Variants in CHRM5 observed in about 807,000 individuals in gnomAD.
CHRM5 encodes the protein muscarinic acetylcholine receptor M5.
CHRM5 carries 18 observed loss-of-function variants against 39.0 expected under a neutral mutation model. The observed-to-expected ratio is 0.46, with a 90% CI of 0.32 to 0.68. CHRM5 has a LOEUF of 0.68. Ranked by LOEUF, CHRM5 falls within the 30% of genes least tolerant of loss-of-function variation. CHRM5 has a pLI of 0.04. For missense variants in CHRM5, 515 were observed against 651.1 expected (o/e 0.79, Z 2.28); for synonymous variants, 241 against 246.3 (o/e 0.98, Z 0.20).
At chr15:34,051,424 A>G (rs914106321) in intron 2 of CHRM5, among the ~76,000 whole-genome samples, 15 of 152,172 alleles carry the variant, frequency 9.9e-5, no homozygotes, top group African/African-American at 3.4e-4. Context: ...ACATCACAAC[A>G]AAAAGAACTA....
intron 1 of CHRM5, among the ~76,000 whole-genome samples, chr15:33,980,192 T>C (rs1014974896): frequency 6.6e-6 from 1 of 152,198 alleles, no homozygotes; most frequent in African/African-American, 2.4e-5. Context: ...CATTAAAGTA[T>C]GTAAGTATGT....
chr15:34,027,742 C>A (rs1898556185), intron 1 of CHRM5, among the ~76,000 whole-genome samples: 1 of 151,348 alleles, frequency 6.6e-6, no homozygotes, highest in South Asian at 2.1e-4. Context: ...TGCAAACAGT[C>A]CTATTACCAG....
chr15:34,010,356 G>A (rs919114914), intron 1 of CHRM5, among the ~76,000 whole-genome samples: 3 of 152,094 alleles, frequency 2.0e-5, no homozygotes, highest in African/African-American at 7.2e-5. Context: ...GTTGCCAAGA[G>A]AATACTTACA....
intron 2 of CHRM5, among the ~76,000 whole-genome samples, chr15:34,053,413 A>G (rs1900018396): frequency 6.7e-6 from 1 of 150,032 alleles, no homozygotes; most frequent in African/African-American, 2.4e-5. Flanking sequence ...GTGTCGTGCT[A>G]CCTACTTCCA....
At chr15:33,972,766 C>T (rs1362848959) in intron 1 of CHRM5, among the ~76,000 whole-genome samples, 2 of 152,116 alleles carry the variant, frequency 1.3e-5, no homozygotes, top group Non-Finnish European at 2.9e-5. Flanking sequence ...CCAACTAATC[C>T]TTCCACACTG....
intron 1 of CHRM5, among the ~76,000 whole-genome samples, chr15:34,011,073 T>C (rs1171977571): frequency 6.6e-6 from 1 of 152,122 alleles, no homozygotes; most frequent in African/African-American, 2.4e-5. Flanking sequence ...ATTCCTATAA[T>C]ACCTGCACTT....
At chr15:34,055,363 TGTGTGGTG>T (rs1339172322) in intron 2 of CHRM5, among the ~76,000 whole-genome samples, 4 of 148,998 alleles carry the variant, frequency 2.7e-5, no homozygotes, top group African/African-American at 9.9e-5. Flanking sequence ...TAATTATCTG[TGTGTGGTG>T]GTGTGCACCT....
intron 1 of CHRM5, among the ~76,000 whole-genome samples, chr15:33,973,903 T>A (rs1169543272): frequency 2.0e-5 from 3 of 152,192 alleles, no homozygotes; most frequent in African/African-American, 7.2e-5. Context: ...GCCAGAAGAA[T>A]AGTGATCCTA....
At chr15:34,038,185 TAAA>T (rs1172844818) in intron 1 of CHRM5, among the ~76,000 whole-genome samples, 1 of 152,162 alleles carries the variant, frequency 6.6e-6, no homozygotes, top group African/African-American at 2.4e-5. Flanking sequence ...ACAGGCATAA[TAAA>T]AGAGAACTAC....
At chr15:33,987,672 C>T (rs1896536499) in intron 1 of CHRM5, among the ~76,000 whole-genome samples, 1 of 152,190 alleles carries the variant, frequency 6.6e-6, no homozygotes, top group African/African-American at 2.4e-5. Context: ...CATCTGCAGG[C>T]CTCCTCTATT....
intron 1 of CHRM5, among the ~76,000 whole-genome samples, chr15:33,974,127 T>C (rs1013382057): frequency 2.0e-5 from 3 of 152,218 alleles, no homozygotes; most frequent in African/African-American, 7.2e-5. Flanking sequence ...GGAAATCACG[T>C]TTGCTATACT....
intron 2 of CHRM5, among the ~76,000 whole-genome samples, chr15:34,047,482 C>G (rs995824688): frequency 6.6e-6 from 1 of 152,194 alleles, no homozygotes; most frequent in African/African-American, 2.4e-5. Flanking sequence ...AGCCAAGCAG[C>G]ATCTTTCTGC....
intron 1 of CHRM5, among the ~76,000 whole-genome samples, chr15:34,000,319 A>G (rs946234104): frequency 6.6e-6 from 1 of 152,174 alleles, no homozygotes; most frequent in Non-Finnish European, 1.5e-5. Context: ...TCACCACTCT[A>G]TGTCCAGCCT....
chr15:34,047,309 C>A (rs1329236724), intron 2 of CHRM5, among the ~76,000 whole-genome samples: 2 of 152,132 alleles, frequency 1.3e-5, no homozygotes, highest in Admixed American at 6.5e-5. Context: ...GATCTCCTGA[C>A]CTGATGATCC....
chr15:34,057,737 A>T (rs1900208843), intron 2 of CHRM5, among the ~76,000 whole-genome samples: 1 of 152,194 alleles, frequency 6.6e-6, no homozygotes, highest in African/African-American at 2.4e-5. Context: ...TTCCAGCTTC[A>T]GTGAGCTATG....
intron 1 of CHRM5, among the ~76,000 whole-genome samples, chr15:33,986,466 G>GAATTT (rs1896475304): frequency 1.3e-5 from 2 of 151,952 alleles, no homozygotes. Flanking sequence ...TACAACTACA[G>GAATTT]AATTTTAAAG....
At chr15:34,056,059 A>G (rs1900136321) in intron 2 of CHRM5, among the ~76,000 whole-genome samples, 1 of 152,200 alleles carries the variant, frequency 6.6e-6, no homozygotes, top group African/African-American at 2.4e-5. Flanking sequence ...TGAGAAAGCC[A>G]GGAACTCAAA....
chr15:34,002,550 A>G (rs1897176913), intron 1 of CHRM5, among the ~76,000 whole-genome samples: 1 of 152,178 alleles, frequency 6.6e-6, no homozygotes, highest in East Asian at 1.9e-4. Flanking sequence ...AGAGAAGACT[A>G]TCCAAAAGCA....
intron 1 of CHRM5, among the ~76,000 whole-genome samples, chr15:34,030,395 G>A (rs1001341276): frequency 2.6e-5 from 4 of 152,098 alleles, no homozygotes; most frequent in Admixed American, 2.0e-4. Flanking sequence ...GCCCAGGCTG[G>A]AGTGCAGTGG....
Sources: gnomAD v4.1 joint callset for allele counts (sites outside exome capture counted in the v4.1 genomes callset) on GRCh38, gnomAD v4.1.1 for gene constraint, MANE v1.5 for transcripts, NCBI Gene and HGNC (gene_info 2026-07-23, HGNC 2026-07-21) for gene names.